Variants in PDE1A observed in about 807,000 individuals in gnomAD.
PDE1A encodes dual specificity calcium/calmodulin-dependent 3',5'-cyclic nucleotide phosphodiesterase 1A.
Under a neutral mutation model 61.7 loss-of-function variants are expected in PDE1A, and 35 were observed. That is an observed-to-expected ratio of 0.57 (90% CI 0.43 to 0.75). PDE1A has a LOEUF of 0.75. Among genes scored for constraint, PDE1A ranks in the 30% least tolerant of loss-of-function variants. The pLI is 0.00. For synonymous variants in PDE1A, 232 were observed against 213.2 expected (o/e 1.09, Z -0.77); for missense variants, 597 against 630.6 (o/e 0.95, Z 0.57).
At chr2:182,553,075 C>A in the PDE1A span, among the ~76,000 whole-genome samples, 2 of 152,198 alleles carry the variant, frequency 1.3e-5, no homozygotes, top group Non-Finnish European at 2.9e-5. Flanking sequence ...TCATCCTAAT[C>A]GAGCTAAACA....
the PDE1A span, among the ~76,000 whole-genome samples, chr2:182,696,426 A>G: frequency 2.6e-5 from 4 of 152,230 alleles, no homozygotes; most frequent in Admixed American, 6.5e-5. Flanking sequence ...CTATGGAGAT[A>G]GTAGAAAGGA....
At chr2:182,700,377 A>G in the PDE1A span, among the ~76,000 whole-genome samples, 1 of 151,576 alleles carries the variant, frequency 6.6e-6, no homozygotes, top group African/African-American at 2.4e-5. Flanking sequence ...TGAGTTCGAG[A>G]CTAGCCTGGC....
chr2:182,557,388 C>T, the PDE1A span, among the ~76,000 whole-genome samples: 1 of 152,032 alleles, frequency 6.6e-6, no homozygotes, highest in Non-Finnish European at 1.5e-5. Flanking sequence ...ATTATTTCGG[C>T]AATCACTGTT....
the PDE1A span, among the ~76,000 whole-genome samples, chr2:182,647,971 C>T: frequency 3.9e-5 from 6 of 152,102 alleles, no homozygotes; most frequent in Admixed American, 3.3e-4. Context: ...AGGTTAACCT[C>T]ACATCCTTCT....
chr2:182,250,021 T>C (rs1691282171), intron 2 of PDE1A, among the ~76,000 whole-genome samples: 1 of 152,234 alleles, frequency 6.6e-6, no homozygotes, highest in Non-Finnish European at 1.5e-5. Flanking sequence ...AGTGTCCATG[T>C]CACATTTTTT....
At chr2:182,186,116 C>A (rs751325494) in intron 12 of PDE1A, 37 bp from the exon 13 acceptor site, 18 of 1,604,840 alleles carry the variant, frequency 1.1e-5, no homozygotes, top group African/African-American at 9.4e-5. Flanking sequence ...AAAACACCAT[C>A]AGGATATGGG....
chr2:182,696,752 C>T, the PDE1A span, among the ~76,000 whole-genome samples: 1 of 152,118 alleles, frequency 6.6e-6, no homozygotes, highest in Non-Finnish European at 1.5e-5. Context: ...GTACCTTCCA[C>T]TCCAGTTTGC....
At chr2:182,523,866 A>G (rs996082446), upstream of PDE1A, among the ~76,000 whole-genome samples, 3 of 152,184 alleles carry the variant, frequency 2.0e-5, no homozygotes, top group Non-Finnish European at 2.9e-5. Context: ...GTCTATACAA[A>G]TGACACTGAT....
the PDE1A span, among the ~76,000 whole-genome samples, chr2:182,697,232 A>G: frequency 1.6e-3 from 237 of 152,288 alleles, 1 homozygote; most frequent in African/African-American, 5.4e-3. Context: ...CAACGGCACA[A>G]TGGAAGGAAC....
chr2:182,669,489 T>C, the PDE1A span, among the ~76,000 whole-genome samples: 3,220 of 152,308 alleles, frequency 0.021, 89 homozygotes, highest in African/African-American at 0.067. Context: ...TTGTTTTCTA[T>C]TTTCAGTCTC....
intron 1 of PDE1A, among the ~76,000 whole-genome samples, chr2:182,392,234 A>G (rs373466312): frequency 6.6e-6 from 1 of 152,162 alleles, no homozygotes; most frequent in Admixed American, 6.5e-5. Flanking sequence ...GCAGAAGGCA[A>G]AGGAGGAACA....
At position 182,426,997 on chromosome 2, in the gene PDE1A, A is replaced by G; in HGVS notation, c.-367T>C. 6.0e-6 allele frequency: 6 copies of G among 1,005,704 alleles called. No individual in the cohort carries two copies. Among genetic ancestry groups the G allele is most frequent in the Non-Finnish European group, 7.1e-6 (6 of 843,578 alleles). 62.3% of individuals were successfully genotyped at this position (1,005,704 alleles called of 1,614,324 possible). A position where few individuals can be genotyped will look rare whatever the true frequency, so the allele number is the denominator to read the frequency against. On this transcript the variant is annotated 5_prime_UTR_variant, in exon 1 of 14. An upstream start codon of the reference 5' UTR is lost. Transcript: ENST00000351439. ...AGGAACTCCCTAAGTTATTGCAGCC[A>G]TGAGAGCTCTCCTTCCACATGCTGG...
At position 182,184,010 on chromosome 2, in the gene PDE1A, G is replaced by GAAAGA. The variant is rs762219815; in HGVS notation, c.1516+1877_1516+1881dup. Among the ~76,000 whole-genome samples, 52 of 16,402 alleles carry GAAAGA rather than the reference G, an allele frequency of 3.2e-3. 1 individual carries two copies. In the East Asian group the frequency reaches 0.038, roughly 12 times the overall value. The allele number at this position is 16,402 out of a possible 152,430, so 10.8% of individuals were successfully genotyped here. ...AAAAGAAGGAAGGAAAGGAAGAGAAGAAAGAAAGAAAGAAAGAAAGAAAGA... is the reference window on the plus strand; with the variant it reads ...AAAAGAAGGAAGGAAAGGAAGAGAAGAAAGAAAAGAAAGAAAGAAAGAAAGAAAGA... On this transcript the variant is annotated intron_variant, in intron 13 of 13. Transcript: ENST00000351439.
chr2:182,392,047 T>C (rs1701452511), intron 1 of PDE1A, among the ~76,000 whole-genome samples: 1 of 152,160 alleles, frequency 6.6e-6, no homozygotes, highest in South Asian at 2.1e-4. Flanking sequence ...ACTGACAATT[T>C]ATACTGTTAA....
the PDE1A span, among the ~76,000 whole-genome samples, chr2:182,663,798 C>T: frequency 6.6e-6 from 1 of 151,828 alleles, no homozygotes; most frequent in East Asian, 1.9e-4. Flanking sequence ...GTATAACAAA[C>T]CTTCACATGT....
chr2:182,516,855 G>C (rs1243346074), intron 2 of PDE1A, among the ~76,000 whole-genome samples: 1 of 129,442 alleles, frequency 7.7e-6, no homozygotes, highest in Non-Finnish European at 1.7e-5. Context: ...GGGAGGGAGG[G>C]AGGGAGGGAG....
chr2:182,558,576 G>A, the PDE1A span, among the ~76,000 whole-genome samples: 4 of 152,168 alleles, frequency 2.6e-5, no homozygotes, highest in African/African-American at 9.6e-5. Flanking sequence ...GATCATGTCA[G>A]TTTTTTCCTT....
At chr2:182,557,426 C>T in the PDE1A span, among the ~76,000 whole-genome samples, 4 of 151,596 alleles carry the variant, frequency 2.6e-5, no homozygotes, top group Admixed American at 6.6e-5. Flanking sequence ...TTAAAAATGT[C>T]TCTAGGCTGG....
At chr2:182,484,918 G>T (rs1314978974) in intron 2 of PDE1A, among the ~76,000 whole-genome samples, 1 of 152,024 alleles carries the variant, frequency 6.6e-6, no homozygotes, top group African/African-American at 2.4e-5. Context: ...CTGTTTGTGG[G>T]AATGTAAATT....
Sources: allele counts gnomAD v4.1 joint callset (sites outside exome capture counted in the v4.1 genomes callset), GRCh38; gene constraint gnomAD v4.1.1; transcripts MANE v1.5; gene names NCBI Gene and HGNC (gene_info 2026-07-23, HGNC 2026-07-21).